Variants in TRPM1 observed in about 807,000 individuals in gnomAD.
TRPM1 encodes the protein TRPM1-203 APA Isoform, Intron 10.
A neutral mutation model predicts 149.4 loss-of-function variants in TRPM1; 113 were observed. The ratio of observed to expected loss-of-function variants is 0.76; its 90% CI spans 0.65 to 0.88. The LOEUF (loss-of-function observed/expected upper bound fraction) is 0.88. TRPM1 is among the 40% of genes least tolerant of loss of function. TRPM1 has a pLI of 0.00. For synonymous variants in TRPM1, 741 were observed against 759.5 expected (o/e 0.98, Z 0.40); for missense variants, 1,976 against 2,038.7 (o/e 0.97, Z 0.59).
chr15:31,038,325 TTAG>T (rs1183377198), intron 18 of TRPM1, among the ~76,000 whole-genome samples, 159 bp from the exon 19 acceptor site: 3 of 152,216 alleles, frequency 2.0e-5, no homozygotes, highest in African/African-American at 7.2e-5. Flanking sequence ...GCTTGGTAAA[TTAG>T]TAGAATTGCA....
chr15:31,105,242 C>T (rs117740756), upstream of TRPM1, among the ~76,000 whole-genome samples: 409 of 152,336 alleles, frequency 2.7e-3, no homozygotes, highest in Non-Finnish European at 4.7e-3. Flanking sequence ...CTCTGAGAGC[C>T]TCTTTGCTAT....
At chr15:31,095,060 C>T (rs553506567) in intron 1 of TRPM1, among the ~76,000 whole-genome samples, 1 of 152,224 alleles carries the variant, frequency 6.6e-6, no homozygotes, top group East Asian at 1.9e-4. Flanking sequence ...AGTTCTGAAG[C>T]ATGCCACATG....
intron 2 of TRPM1, 30 bp from the exon 3 acceptor site, chr15:31,077,014 C>A: frequency 6.9e-7 from 1 of 1,448,760 alleles, no homozygotes; most frequent in African/African-American, 1.4e-5. Context: ...GGATATTGGA[C>A]CAATACATTC....
intron 7 of TRPM1, among the ~76,000 whole-genome samples, chr15:31,064,125 C>T (rs897711376): frequency 2.0e-5 from 3 of 152,228 alleles, no homozygotes; most frequent in African/African-American, 4.8e-5. Context: ...GGTGAACAAT[C>T]ACAGTGCTTC....
chr15:31,076,089 T>A (rs2034679502), intron 3 of TRPM1, among the ~76,000 whole-genome samples: 1 of 151,782 alleles, frequency 6.6e-6, no homozygotes, highest in South Asian at 2.1e-4. Context: ...GAGACTTTTG[T>A]GACCGTTGGC....
intron 1 of TRPM1, among the ~76,000 whole-genome samples, chr15:31,113,764 T>G (rs1238267579): frequency 1.3e-5 from 2 of 152,176 alleles, no homozygotes; most frequent in Non-Finnish European, 2.9e-5. Context: ...ACCTTCCCGG[T>G]GAGTGTTACA....
chr15:31,055,512 C>T lies in TRPM1; in HGVS notation c.1264-4930G>A, dbSNP rs1321415416. Among the ~76,000 whole-genome samples, 3 of 152,244 alleles carry T rather than the reference C, an allele frequency of 2.0e-5. 1 individual carries two copies. Among genetic ancestry groups the T allele is most frequent in the Non-Finnish European group, 1.5e-5 (1 of 68,018 alleles). ...ATGTGGTGGGCAGAAGGCATGGTGA[C>T]CGGAAGATGGTCTACAGAGCAGGAG... On this transcript the variant is annotated intron_variant, in intron 11 of 27. Transcript: ENST00000256552.
chr15:31,138,998 G>A (rs1484858365), intron 1 of TRPM1, among the ~76,000 whole-genome samples: 1 of 152,052 alleles, frequency 6.6e-6, no homozygotes, highest in Non-Finnish European at 1.5e-5. Context: ...CTTTACCTAT[G>A]ACCTTTTTTG....
chr15:31,007,535 CT>C (rs2032033711), intron 27 of TRPM1, among the ~76,000 whole-genome samples: 1 of 152,122 alleles, frequency 6.6e-6, no homozygotes, highest in Non-Finnish European at 1.5e-5. Flanking sequence ...GGCACAGTGG[CT>C]CATGCCTACA....
chr15:31,060,613 G>A lies in TRPM1; in HGVS notation c.1194C>T (p.Ser398=), dbSNP rs1596027268. The A allele has an allele frequency of 2.5e-6, 4 of 1,614,118 alleles. No homozygotes were observed. Among genetic ancestry groups the A allele is most frequent in the Non-Finnish European group, 3.4e-6 (4 of 1,180,050 alleles). The change falls in exon 11 of 28, where the codon AGC becomes AGT. Residue 398 remains serine (S), a synonymous_variant. Coordinates refer to ENST00000256552, the MANE Select transcript of TRPM1 (RefSeq NM_001252024.2). ...CCACGCGGTTCCAAGCCAGTGCCAA[G>A]CTCAGCTGATCTGGAGCAGATACGT... The part of the protein sequence containing the change: ...GTNVSAPDQL[S]LALAWNRVDI...
chr15:31,094,416 G>A (rs1301537262), intron 1 of TRPM1, among the ~76,000 whole-genome samples: 1 of 151,866 alleles, frequency 6.6e-6, no homozygotes, highest in African/African-American at 2.4e-5. Context: ...TATTAAGAAA[G>A]GAAAAAAACC....
chr15:31,077,691 G>T (rs1287253191), intron 2 of TRPM1, among the ~76,000 whole-genome samples: 1 of 152,122 alleles, frequency 6.6e-6, no homozygotes, highest in African/African-American at 2.4e-5. Flanking sequence ...ATCTCCATGA[G>T]GCCTGGCTCA....
At chr15:31,100,570 A>G (rs1376817531) in intron 1 of TRPM1, among the ~76,000 whole-genome samples, 1 of 152,220 alleles carries the variant, frequency 6.6e-6, no homozygotes, top group Non-Finnish European at 1.5e-5. Flanking sequence ...TTTGTGATAG[A>G]AAATGATTAA....
chr15:31,004,084 T>C (rs1218675330), intron 27 of TRPM1, among the ~76,000 whole-genome samples: 2 of 152,338 alleles, frequency 1.3e-5, no homozygotes, highest in Admixed American at 1.3e-4. Context: ...GCTACTGTGT[T>C]CTGGCTGGTT....
rs1043419418 is a variant in TRPM1, at chr15:31,049,484, A to G, written c.1463T>C (p.Leu488Pro). ...GACACGATCTAAGACTAAAGCATCTAGCATCGCTTGCTCCAAAGCATTCAC... is the reference window on the plus strand; with the variant it reads ...GACACGATCTAAGACTAAAGCATCTGGCATCGCTTGCTCCAAAGCATTCAC... ...NWVNALEQAM[L>P]DALVLDRVDF... The change falls in exon 13 of 28, where the codon CTA becomes CCA. Residue 488 changes from leucine to proline, a missense_variant. By Grantham distance (98) the Leu-to-Pro change is moderately conservative. Coordinates refer to ENST00000256552, the MANE Select transcript of TRPM1 (RefSeq NM_001252024.2). The G allele has an allele frequency of 3.7e-5, 60 of 1,613,974 alleles. No homozygotes were observed. The highest frequency in any genetic ancestry group is 4.9e-5 in the Non-Finnish European group (58 of 1,180,052).
At chr15:31,101,844 G>T (rs562838948), upstream of TRPM1, 2 of 469,458 alleles carry the variant, frequency 4.3e-6, no homozygotes, top group South Asian at 9.3e-5. Context: ...TGACTCCCAG[G>T]CCAGAAAAGG....
chr15:31,049,592 G>A, intron 12 of TRPM1, 83 bp from the exon 13 acceptor site: 1 of 1,540,178 alleles, frequency 6.5e-7, no homozygotes, highest in South Asian at 1.1e-5. Flanking sequence ...CAGAGGAAAG[G>A]GTATTCCGAA....
At position 31,119,441 on chromosome 15, in the gene TRPM1, G is replaced by C. The variant is rs144212114; in HGVS notation, c.54+41465C>G. 2.0e-4 allele frequency among the ~76,000 whole-genome samples: 31 copies of C among 152,082 alleles called. No individual in the cohort carries two copies. In the East Asian group the frequency reaches 5.8e-3, roughly 28 times the overall value. ...CCTTCAGATGTGAAAAAGAGATAAA[G>C]ATATTTTCAGACAAACAGAATTGAG... On this transcript the variant is annotated intron_variant, in intron 1 of 26. Coordinates refer to the TRPM1 transcript ENST00000542188.
intron 1 of TRPM1, among the ~76,000 whole-genome samples, chr15:31,086,829 T>G (rs2035014175): frequency 6.6e-6 from 1 of 152,188 alleles, no homozygotes; most frequent in African/African-American, 2.4e-5. Flanking sequence ...ATATATCTGA[T>G]AAGCAATTAA....
Sources: gnomAD v4.1 joint callset for allele counts (sites outside exome capture counted in the v4.1 genomes callset) on GRCh38, gnomAD v4.1.1 for gene constraint, MANE v1.5 for transcripts, NCBI Gene and HGNC (gene_info 2026-07-23, HGNC 2026-07-21) for gene names.